SLC26A8: variants seen among roughly 807,000 people sequenced by gnomAD.
SLC26A8 encodes the protein solute carrier family 26 member 8.
A neutral mutation model predicts 105.0 loss-of-function variants in SLC26A8; 70 were observed. The observed-to-expected ratio is 0.67, with a 90% CI of 0.55 to 0.81. The LOEUF (loss-of-function observed/expected upper bound fraction) is 0.81. Among genes scored for constraint, SLC26A8 ranks in the 40% least tolerant of loss-of-function variants. The pLI is 0.00. For missense variants in SLC26A8, 998 were observed against 1,181.8 expected (o/e 0.84, Z 2.28); for synonymous variants, 415 against 438.3 (o/e 0.95, Z 0.66).
At chr6:35,984,942 C>T (rs1179502533) in intron 7 of SLC26A8, among the ~76,000 whole-genome samples, 1 of 152,202 alleles carries the variant, frequency 6.6e-6, no homozygotes, top group East Asian at 1.9e-4. Flanking sequence ...AACCTCAAAA[C>T]AGACCCTTAA....
intron 2 of SLC26A8, among the ~76,000 whole-genome samples, chr6:36,013,628 A>G (rs1476980265): frequency 6.6e-6 from 1 of 152,240 alleles, no homozygotes; most frequent in Non-Finnish European, 1.5e-5. Context: ...CTTTTAGATC[A>G]TCTAAAACAA....
chr6:36,005,009 C>A (rs551470623), intron 3 of SLC26A8, among the ~76,000 whole-genome samples: 52 of 151,946 alleles, frequency 3.4e-4, no homozygotes, highest in Non-Finnish European at 7.2e-4. Flanking sequence ...AAGAAAAAAT[C>A]TTTTGTTAGT....
chr6:35,946,874 A>T (rs1453581879), intron 19 of SLC26A8, among the ~76,000 whole-genome samples: 2 of 151,434 alleles, frequency 1.3e-5, no homozygotes, highest in Non-Finnish European at 2.9e-5. Flanking sequence ...TTTTTTTTCA[A>T]GATAAGAGTC....
chr6:35,978,054 C>G (rs544967558), intron 8 of SLC26A8, among the ~76,000 whole-genome samples: 12 of 139,456 alleles, frequency 8.6e-5, no homozygotes, highest in Non-Finnish European at 1.5e-4. Flanking sequence ...CCACTGCACT[C>G]TAGCCTGGGT....
chr6:35,952,812 G>A (rs1344435882), intron 17 of SLC26A8, among the ~76,000 whole-genome samples: 4 of 152,024 alleles, frequency 2.6e-5, no homozygotes, highest in African/African-American at 4.8e-5. Context: ...TCAGAAGTTC[G>A]AGACAAGCCT....
At chr6:35,961,452 T>C (rs1772305677) in intron 12 of SLC26A8, among the ~76,000 whole-genome samples, 1 of 152,254 alleles carries the variant, frequency 6.6e-6, no homozygotes. Flanking sequence ...TATTTTAAGA[T>C]GTATAAGAGT....
At chr6:35,991,596 C>T in intron 7 of SLC26A8, 63 bp downstream of exon 7, 2 of 1,326,154 alleles carry the variant, frequency 1.5e-6, no homozygotes, top group South Asian at 1.7e-5. Context: ...CAATTCAACT[C>T]AGCATTTTTT....
At chr6:36,020,433 A>G (rs1236820263) in intron 1 of SLC26A8, among the ~76,000 whole-genome samples, 3 of 152,240 alleles carry the variant, frequency 2.0e-5, no homozygotes, top group African/African-American at 7.2e-5. Flanking sequence ...ACTAGGCAAC[A>G]TGGTGAAACC....
Position 35,981,973 on chromosome 6 carries a change from C to T in SLC26A8, c.1025+148G>A, listed in dbSNP as rs978111232. On this transcript the variant is annotated intron_variant, in intron 8 of 19. Coordinates refer to ENST00000490799, the MANE Select transcript of SLC26A8 (RefSeq NM_052961.4). This position sits in a 1 kb window ranked among gnomAD's most constrained non-coding sequence, Gnocchi z 4.0. ...AAGACACAAGGAGTTGTCCCTAGCCCTTCTCCTTTCATGAACCTCTGTGTT... is the reference window on the plus strand; with the variant it reads ...AAGACACAAGGAGTTGTCCCTAGCCTTTCTCCTTTCATGAACCTCTGTGTT... 1.1e-5 allele frequency: 8 copies of T among 734,766 alleles called. No homozygotes were observed. Among genetic ancestry groups the T allele is most frequent in the Non-Finnish European group, 9.1e-6 (4 of 440,284 alleles). The allele number at this position is 734,766 out of a possible 1,614,324, so 45.5% of individuals were successfully genotyped here.
intron 17 of SLC26A8, among the ~76,000 whole-genome samples, chr6:35,954,158 C>T (rs184465397): frequency 6.6e-6 from 1 of 152,250 alleles, no homozygotes; most frequent in East Asian, 1.9e-4. Flanking sequence ...GTTAGCTGTG[C>T]ACTTAAACTG....
intron 7 of SLC26A8, 33 bp downstream of exon 7, chr6:35,991,625 CA>C: frequency 1.4e-6 from 2 of 1,464,406 alleles, no homozygotes; most frequent in Non-Finnish European, 1.8e-6. Flanking sequence ...TAAAATTATG[CA>C]AACTATGAAT....
In SLC26A8 at chr6:35,989,651, G is replaced by C. The variant is rs192238302; in HGVS notation, c.942+2008C>G. 5 of 152,286 alleles carry C rather than the reference G, an allele frequency of 3.3e-5. No homozygotes were observed. In the East Asian group the frequency reaches 9.6e-4, roughly 29 times the overall value. 9.4% of individuals were successfully genotyped at this position (152,286 alleles called of 1,614,324 possible). A position where few individuals can be genotyped will look rare whatever the true frequency, so the allele number is the denominator to read the frequency against. Reference sequence around the variant, plus strand: ...GGATCTTGGCAGCAGTCAAAATGAAGTGTTTTGTGGACAACAAAGTCATCT... The same window carrying C: ...GGATCTTGGCAGCAGTCAAAATGAACTGTTTTGTGGACAACAAAGTCATCT... On this transcript the variant is annotated intron_variant, in intron 7 of 19. Transcript: ENST00000490799.
At chr6:35,983,749 T>C (rs1401371666) in intron 7 of SLC26A8, among the ~76,000 whole-genome samples, 1 of 151,932 alleles carries the variant, frequency 6.6e-6, no homozygotes, top group Non-Finnish European at 1.5e-5. Context: ...GAGATGGGGT[T>C]TTGCCAAGTT....
At position 35,943,679 on chromosome 6, in the gene SLC26A8, G is replaced by A. The variant is rs1771561766; in HGVS notation, c.*221C>T. ...ATATGCTGAAGGTGAAATGAGGGGA[G>A]CCTGGATAGGGAATTCAGAGATAAT... On this transcript the variant is annotated 3_prime_UTR_variant, in exon 20 of 20. Coordinates refer to ENST00000490799, the MANE Select transcript of SLC26A8 (RefSeq NM_052961.4). The A allele has an allele frequency of 1.4e-5, 8 of 589,110 alleles. No individual in the cohort carries two copies. Among genetic ancestry groups the A allele is most frequent in the Admixed American group, 6.2e-5 (2 of 32,012 alleles). 36.5% of individuals were successfully genotyped at this position (589,110 alleles called of 1,614,324 possible).
At chr6:35,951,778 A>G (rs1269101290) in intron 17 of SLC26A8, among the ~76,000 whole-genome samples, 3 of 152,182 alleles carry the variant, frequency 2.0e-5, no homozygotes, top group Non-Finnish European at 4.4e-5. Flanking sequence ...GGGTTTCACC[A>G]TATTGGCCAG....
intron 14 of SLC26A8, 127 bp from the exon 15 acceptor site, chr6:35,959,933 G>A: frequency 1.3e-6 from 1 of 763,726 alleles, no homozygotes; most frequent in Non-Finnish European, 2.0e-6. Context: ...TTTTGAGACA[G>A]AGTCTCACTC....
At chr6:35,958,292 G>C (rs1772170538) in intron 16 of SLC26A8, among the ~76,000 whole-genome samples, 1 of 152,066 alleles carries the variant, frequency 6.6e-6, no homozygotes, top group African/African-American at 2.4e-5. Flanking sequence ...CTGAGGTCTT[G>C]AGTTCGAGAC....
chr6:36,020,290 C>T (rs1289337561), intron 1 of SLC26A8, among the ~76,000 whole-genome samples: 1 of 152,178 alleles, frequency 6.6e-6, no homozygotes, highest in African/African-American at 2.4e-5. Context: ...ACAGTTGCAG[C>T]CCCAGGACCC....
chr6:36,015,925 C>T (rs1394020114), intron 2 of SLC26A8, among the ~76,000 whole-genome samples: 3 of 151,946 alleles, frequency 2.0e-5, no homozygotes, highest in South Asian at 2.1e-4. Flanking sequence ...CTAATAAATT[C>T]AGAGTGTGAC....
Sources: gnomAD v4.1 joint callset for allele counts (sites outside exome capture counted in the v4.1 genomes callset) on GRCh38, gnomAD v4.1.1 for gene constraint, Gnocchi (gnomAD v3.1) non-coding constraint, MANE v1.5 for transcripts, NCBI Gene and HGNC (gene_info 2026-07-23, HGNC 2026-07-21) for gene names.